Variants in NEGR1 observed in about 807,000 individuals in gnomAD.
NEGR1 encodes the protein IgLON family member 4.
Under a neutral mutation model 40.9 loss-of-function variants are expected in NEGR1, and 10 were observed. The ratio of observed to expected loss-of-function variants is 0.24; its 90% CI spans 0.15 to 0.42. The LOEUF (loss-of-function observed/expected upper bound fraction) is 0.42. NEGR1 is among the 10% of genes least tolerant of loss of function. The pLI, the probability that NEGR1 is intolerant of heterozygous loss-of-function variation, is 1.00. For synonymous variants in NEGR1, 185 were observed against 166.8 expected (o/e 1.11, Z -0.84); for missense variants, 352 against 438.9 (o/e 0.80, Z 1.77).
intron 1 of NEGR1, among the ~76,000 whole-genome samples, chr1:72,124,169 A>G (rs1348544364): frequency 6.6e-6 from 1 of 152,070 alleles, no homozygotes; most frequent in Non-Finnish European, 1.5e-5. Flanking sequence ...TAAGAAAATA[A>G]GAGTATTTCC....
chr1:71,766,849 T>C (rs544512287), intron 3 of NEGR1, among the ~76,000 whole-genome samples: 82 of 152,216 alleles, frequency 5.4e-4, no homozygotes, highest in African/African-American at 1.9e-3. Flanking sequence ...GACATCTTGT[T>C]GTTTAAAAGA....
intron 1 of NEGR1, among the ~76,000 whole-genome samples, chr1:72,235,055 A>AT (rs1313526307): frequency 2.0e-5 from 3 of 152,194 alleles, no homozygotes; most frequent in Non-Finnish European, 4.4e-5. Flanking sequence ...AATATGTTAT[A>AT]TATACACCAT....
chr1:72,217,976 A>C (rs2100476451), intron 1 of NEGR1, among the ~76,000 whole-genome samples: 1 of 151,982 alleles, frequency 6.6e-6, no homozygotes, highest in African/African-American at 2.4e-5. Flanking sequence ...TTAGCTGAGT[A>C]ATTTATAGTT....
intron 2 of NEGR1, among the ~76,000 whole-genome samples, chr1:71,785,846 G>A (rs1316746086): frequency 1.3e-5 from 2 of 152,112 alleles, no homozygotes; most frequent in Non-Finnish European, 2.9e-5. Flanking sequence ...TGTAACACCT[G>A]GCTCCTGGTT....
chr1:71,705,593 G>A (rs1570237832), intron 3 of NEGR1, among the ~76,000 whole-genome samples: 1 of 152,084 alleles, frequency 6.6e-6, no homozygotes, highest in African/African-American at 2.4e-5. Flanking sequence ...GGTGGTGGGC[G>A]CCTGCAGTCC....
chr1:72,165,817 TAGG>T (rs1651744888), intron 1 of NEGR1, among the ~76,000 whole-genome samples: 1 of 152,086 alleles, frequency 6.6e-6, no homozygotes. Flanking sequence ...GCTACTAGTT[TAGG>T]AGATAGGTAG....
At chr1:71,916,089 G>A (rs1661573229) in intron 2 of NEGR1, among the ~76,000 whole-genome samples, 1 of 151,978 alleles carries the variant, frequency 6.6e-6, no homozygotes, top group Admixed American at 6.6e-5. Flanking sequence ...GAGAAGAGAG[G>A]GGCAGAAGGA....
chr1:71,815,832 A>G (rs552309349), intron 2 of NEGR1, among the ~76,000 whole-genome samples: 52 of 152,008 alleles, frequency 3.4e-4, no homozygotes, highest in Non-Finnish European at 6.3e-4. Flanking sequence ...GACTTTTTTT[A>G]CTTATAATTT....
chr1:71,849,199 A>G (rs1361560776), intron 2 of NEGR1, among the ~76,000 whole-genome samples: 1 of 152,224 alleles, frequency 6.6e-6, no homozygotes, highest in Non-Finnish European at 1.5e-5. Flanking sequence ...GAAAATATTC[A>G]CCATTTTAGA....
intron 1 of NEGR1, among the ~76,000 whole-genome samples, chr1:71,954,266 A>T (rs1646098028): frequency 6.6e-6 from 1 of 151,980 alleles, no homozygotes; most frequent in Non-Finnish European, 1.5e-5. Flanking sequence ...AGAGTGTATG[A>T]AAGAAGTGGG....
chr1:71,857,457 C>CAAAA (rs34177437), intron 2 of NEGR1, among the ~76,000 whole-genome samples: 9 of 77,644 alleles, frequency 1.2e-4, no homozygotes, highest in East Asian at 6.7e-4. Context: ...ACAAAAAATA[C>CAAAA]AAAAAAAAAA....
chr1:72,012,856 T>TATATATATATATAC lies in NEGR1; in HGVS notation c.177-77546_177-77545insGTATATATATATAT, dbSNP rs769682455. Among the ~76,000 whole-genome samples the TATATATATATATAC allele has an allele frequency of 2.2e-5, 3 of 135,210 alleles. No individual in the cohort carries two copies. The East Asian group carries it at 7.1e-4, about 32-fold the overall frequency. 88.7% of individuals were successfully genotyped at this position (135,210 alleles called of 152,430 possible). ...ATATATACATACATATATATATATATACACACACACATATATATATATTTT... is the reference window on the plus strand; with the variant it reads ...ATATATACATACATATATATATATATATATATATATATACACACACACACATATATATATATTTT... On this transcript the variant is annotated intron_variant, in intron 1 of 6. Transcript: ENST00000357731.
intron 6 of NEGR1, among the ~76,000 whole-genome samples, chr1:71,445,157 A>G (rs1214526251): frequency 1.3e-5 from 2 of 152,202 alleles, no homozygotes; most frequent in South Asian, 2.1e-4. Context: ...GGGTTACCCA[A>G]CAAGGGTTCT....
chr1:71,573,992 T>A (rs759491322), intron 6 of NEGR1, among the ~76,000 whole-genome samples: 7 of 152,198 alleles, frequency 4.6e-5, no homozygotes, highest in Non-Finnish European at 1.5e-5. Flanking sequence ...TGCTTTGTTG[T>A]TCCCTGTTTT....
intron 1 of NEGR1, among the ~76,000 whole-genome samples, chr1:72,046,713 T>C (rs546782786): frequency 6.6e-6 from 1 of 151,712 alleles, no homozygotes; most frequent in East Asian, 1.9e-4. Flanking sequence ...TTTCACTGAG[T>C]TCTAGATATA....
chr1:71,776,637 A>T (rs1294125403), intron 2 of NEGR1, among the ~76,000 whole-genome samples: 1 of 152,192 alleles, frequency 6.6e-6, no homozygotes, highest in Non-Finnish European at 1.5e-5. Flanking sequence ...TCCTCACTGT[A>T]TGATGTTTTC....
At chr1:71,680,943 A>G (rs980094198) in intron 4 of NEGR1, among the ~76,000 whole-genome samples, 2 of 152,242 alleles carry the variant, frequency 1.3e-5, no homozygotes, top group African/African-American at 4.8e-5. Flanking sequence ...AGTAAGAAAC[A>G]TTCCCACAAT....
chr1:72,227,077 A>C (rs1341230695), intron 1 of NEGR1, among the ~76,000 whole-genome samples: 1 of 152,126 alleles, frequency 6.6e-6, no homozygotes, highest in African/African-American at 2.4e-5. Context: ...CATTGGAAAA[A>C]TATGGACTTT....
At chr1:71,581,645 A>G (rs1649137572) in intron 6 of NEGR1, among the ~76,000 whole-genome samples, 1 of 152,134 alleles carries the variant, frequency 6.6e-6, no homozygotes, top group Admixed American at 6.6e-5. Flanking sequence ...TATGGAATTT[A>G]CAATAAAGAT....
Sources: allele counts gnomAD v4.1 joint callset (sites outside exome capture counted in the v4.1 genomes callset), GRCh38; gene constraint gnomAD v4.1.1; transcripts MANE v1.5; gene names NCBI Gene and HGNC (gene_info 2026-07-23, HGNC 2026-07-21).